The following LARP4B variants were observed in gnomAD, a reference collection of about 807,000 sequenced individuals.
LARP4B encodes the protein la-related protein 4B.
LARP4B carries 12 observed loss-of-function variants against 89.8 expected under a neutral mutation model. That is an observed-to-expected ratio of 0.13 (90% CI 0.09 to 0.22). The LOEUF (loss-of-function observed/expected upper bound fraction) is 0.22. Among genes scored for constraint, LARP4B ranks in the 10% least tolerant of loss-of-function variants. LARP4B has a pLI of 1.00. For synonymous variants in LARP4B, 367 were observed against 363.3 expected (o/e 1.01, Z -0.12); for missense variants, 757 against 947.7 (o/e 0.80, Z 2.64).
At chr10:847,966 AT>A (rs1264625282) in intron 5 of LARP4B, among the ~76,000 whole-genome samples, 16 of 152,188 alleles carry the variant, frequency 1.1e-4, no homozygotes, top group Admixed American at 3.9e-4. Flanking sequence ...AATGCAGGAG[AT>A]AGGGAGGCTG....
At chr10:920,467 C>T (rs998647555) in intron 1 of LARP4B, among the ~76,000 whole-genome samples, 1 of 152,228 alleles carries the variant, frequency 6.6e-6, no homozygotes, top group African/African-American at 2.4e-5. Context: ...TCACACCTAA[C>T]ATTTTATGAA....
chr10:979,083 A>T, the LARP4B span, among the ~76,000 whole-genome samples: 1 of 152,100 alleles, frequency 6.6e-6, no homozygotes, highest in Non-Finnish European at 1.5e-5. Flanking sequence ...TGGCTTTGGT[A>T]TTCTGCATTC....
chr10:944,657 G>A, the LARP4B span, among the ~76,000 whole-genome samples: 10 of 152,346 alleles, frequency 6.6e-5, no homozygotes, highest in African/African-American at 2.2e-4. Context: ...AGCCCCACGC[G>A]TGTCTGGGCG....
Position 810,114 on chromosome 10 carries a change from C to T in LARP4B, c.*2812G>A, listed in dbSNP as rs1188029099. 6.6e-6 allele frequency: 1 copy of T among 151,918 alleles called. No individual in the cohort carries two copies. The highest frequency in any genetic ancestry group is 1.9e-4 in the East Asian group (1 of 5,180). 9.4% of individuals were successfully genotyped at this position (151,918 alleles called of 1,614,324 possible). A position where few individuals can be genotyped will look rare whatever the true frequency, so the allele number is the denominator to read the frequency against. ...TTTTACAAGTTAAAATGCCATTTGT[C>T]ACTGCTGCATCTCTGATTCTATAAC... On this transcript the variant is annotated 3_prime_UTR_variant, in exon 18 of 18. Transcript: ENST00000316157.
the LARP4B span, among the ~76,000 whole-genome samples, chr10:968,259 A>C: frequency 1.1e-3 from 164 of 152,316 alleles, no homozygotes; most frequent in East Asian, 0.015. Flanking sequence ...TGAGCTGATA[A>C]AAAGGCTTTC....
chr10:829,316 G>A (rs1832777981), intron 11 of LARP4B, 69 bp downstream of exon 11: 7 of 1,321,996 alleles, frequency 5.3e-6, no homozygotes, highest in Non-Finnish European at 7.2e-6. Flanking sequence ...TATTAGATGA[G>A]GATTTTAATC....
intron 5 of LARP4B, among the ~76,000 whole-genome samples, chr10:845,835 T>C (rs551037624): frequency 6.6e-5 from 10 of 152,300 alleles, no homozygotes; most frequent in African/African-American, 2.4e-4. Flanking sequence ...TGCCTTCCTA[T>C]ATAAATTAGC....
chr10:959,805 ATTCCCACCTCCTCG>A, the LARP4B span, among the ~76,000 whole-genome samples: 5 of 105,136 alleles, frequency 4.8e-5, no homozygotes, highest in South Asian at 3.8e-4. Flanking sequence ...CCTCCTCGTC[ATTCCCACCTCCTCG>A]TCATTCCCAC....
intron 1 of LARP4B, among the ~76,000 whole-genome samples, chr10:897,987 C>CAAAAAAAAAAAAA (rs58452748): frequency 3.9e-5 from 1 of 25,648 alleles, no homozygotes; most frequent in African/African-American, 1.8e-4. Flanking sequence ...GGCTCCATCT[C>CAAAAAAAAAAAAA]AAAAAAAAAA....
chr10:892,230 G>A (rs546602165), intron 1 of LARP4B, among the ~76,000 whole-genome samples: 65 of 152,370 alleles, frequency 4.3e-4, no homozygotes, highest in Middle Eastern at 3.4e-3. Context: ...AAAAAGCAGA[G>A]AGGATAAGTC....
At chr10:832,784 T>C (rs1270570140) in intron 8 of LARP4B, among the ~76,000 whole-genome samples, 1 of 152,100 alleles carries the variant, frequency 6.6e-6, no homozygotes, top group Admixed American at 6.5e-5. Flanking sequence ...TGAAAAAAAT[T>C]CATCATCGGC....
chr10:937,953 C>T, the LARP4B span, among the ~76,000 whole-genome samples: 3 of 147,580 alleles, frequency 2.0e-5, no homozygotes, highest in African/African-American at 5.0e-5. Context: ...GGCGTGATCT[C>T]GGCTCACTAC....
chr10:923,440 C>T (rs945231002), intron 1 of LARP4B, among the ~76,000 whole-genome samples: 5 of 151,792 alleles, frequency 3.3e-5, no homozygotes, highest in Non-Finnish European at 7.4e-5. Context: ...GTATTTACTA[C>T]CTCTCAGGAA....
chr10:866,319 T>C (rs1329597075), intron 3 of LARP4B, among the ~76,000 whole-genome samples: 1 of 152,246 alleles, frequency 6.6e-6, no homozygotes, highest in Non-Finnish European at 1.5e-5. Flanking sequence ...AAACTTCATT[T>C]TTGGCCTCTG....
intron 7 of LARP4B, among the ~76,000 whole-genome samples, chr10:839,947 C>G (rs1833440512): frequency 6.6e-6 from 1 of 152,234 alleles, no homozygotes; most frequent in East Asian, 1.9e-4. Flanking sequence ...TGAGAGAATA[C>G]TTCCCAGCAA....
the LARP4B span, among the ~76,000 whole-genome samples, chr10:956,102 C>G: frequency 1.3e-5 from 2 of 151,918 alleles, no homozygotes; most frequent in Non-Finnish European, 2.9e-5. The surrounding 1 kb of genome is among the most constrained non-coding windows in gnomAD (Gnocchi z 4.3). Context: ...CAAATGGGCA[C>G]CTTCTTTGCA....
intron 1 of LARP4B, among the ~76,000 whole-genome samples, chr10:911,998 A>G (rs192849429): frequency 3.9e-5 from 6 of 152,176 alleles, no homozygotes; most frequent in Admixed American, 2.6e-4. Flanking sequence ...CCACCAAGTG[A>G]TAAGATTCCC....
the LARP4B span, among the ~76,000 whole-genome samples, chr10:980,699 G>A: frequency 1.1e-4 from 16 of 152,218 alleles, no homozygotes; most frequent in Admixed American, 3.3e-4. Flanking sequence ...GGCCTGACCC[G>A]TGAAACCATT....
At chr10:972,430 AC>A in the LARP4B span, 1 of 435,282 alleles carries the variant, frequency 2.3e-6, no homozygotes, top group Non-Finnish European at 4.6e-6. Context: ...AGCCAAAAAA[AC>A]TTCTATTCCT....
Sources: allele counts gnomAD v4.1 joint callset (sites outside exome capture counted in the v4.1 genomes callset), GRCh38; gene constraint gnomAD v4.1.1; non-coding constraint Gnocchi (gnomAD v3.1); transcripts MANE v1.5; gene names NCBI Gene and HGNC (gene_info 2026-07-23, HGNC 2026-07-21).